Variants in IL22RA2 observed in about 807,000 individuals in gnomAD.
IL22RA2 encodes the protein interleukin 22 receptor subunit alpha 2, also known as interleukin-22 receptor subunit alpha-2.
A neutral mutation model predicts 30.7 loss-of-function variants in IL22RA2; 39 were observed. The ratio of observed to expected loss-of-function variants is 1.27; its 90% CI spans 0.98 to 1.66. The LOEUF (loss-of-function observed/expected upper bound fraction) is 1.66. Among genes scored for constraint, IL22RA2 ranks in the 40% most tolerant of loss-of-function variants. The pLI is 0.00. For missense variants in IL22RA2, 315 were observed against 312.7 expected (o/e 1.01, Z -0.05); for synonymous variants, 103 against 105.0 (o/e 0.98, Z 0.11).
At chr6:137,153,393 T>C (rs1778332342) in intron 5 of IL22RA2, among the ~76,000 whole-genome samples, 1 of 152,182 alleles carries the variant, frequency 6.6e-6, no homozygotes. Context: ...AATTGGTAAA[T>C]GCTTCACTAA....
At chr6:137,156,731 A>T (rs1778414470) in intron 4 of IL22RA2, 28 bp downstream of exon 4, 2 of 1,606,432 alleles carry the variant, frequency 1.2e-6, no homozygotes, top group Admixed American at 1.7e-5. Flanking sequence ...ACCTGAGGCT[A>T]GGTAATTGAT....
intron 1 of IL22RA2, among the ~76,000 whole-genome samples, chr6:137,166,986 G>A (rs879562458): frequency 3.9e-5 from 6 of 152,306 alleles, no homozygotes; most frequent in Admixed American, 1.3e-4. Flanking sequence ...GGAGGCTACC[G>A]GTGCATGCTA....
In IL22RA2 at chr6:137,144,315, T is replaced by G. The variant is rs1314320105; in HGVS notation, c.*1309A>C. 6.6e-6 allele frequency: 1 copy of G among 152,162 alleles called. No individual in the cohort carries two copies. The highest frequency in any genetic ancestry group is 6.6e-5 in the Admixed American group (1 of 15,262). 9.4% of individuals were successfully genotyped at this position (152,162 alleles called of 1,614,324 possible). A position where few individuals can be genotyped will look rare whatever the true frequency, so the allele number is the denominator to read the frequency against. ...CCTCTTATTCTCCTCCACCCCCCAA[T>G]ACATTTCTGAATATTTTTTAATCCA... On this transcript the variant is annotated 3_prime_UTR_variant, in exon 7 of 7. Coordinates refer to ENST00000296980, the MANE Select transcript of IL22RA2 (RefSeq NM_052962.3).
rs746169416 is a variant in IL22RA2 at position 137,158,431 on chromosome 6, G to A, written c.113C>T (p.Ser38Phe). ...TTGCAAAATGTTGTGAAAATTTCGG[G>A]ACTGAAATTGTACCCTCTGAGGCTT... is the stretch of plus-strand genomic sequence containing the variant. ...SLKPQRVQFQ[S>F]RNFHNILQWQ... Residue 38 changes from serine (S) to phenylalanine (F), a missense_variant, in exon 3 of 7, where the codon TCC becomes TTC. Transcript: ENST00000296980. 1.9e-5 allele frequency: 30 copies of A among 1,613,894 alleles called. No homozygotes were observed. The South Asian group carries it at 3.1e-4, about 17-fold the overall frequency.
Position 137,154,869 on chromosome 6 carries a change from T to G in IL22RA2, c.472+72A>C, listed in dbSNP as rs1186171075. 2.3e-6 allele frequency: 3 copies of G among 1,310,702 alleles called. No individual in the cohort carries two copies. In the Admixed American group the frequency reaches 5.1e-5, roughly 22 times the overall value. The allele number at this position is 1,310,702 out of a possible 1,614,324, so 81.2% of individuals were successfully genotyped here. The stretch of plus-strand genomic sequence containing the variant: ...GACCTCAGCAAAGCACAAGGCCTAG[T>G]CACTAGCCGTGCTCCGGGAGGGCTG... On this transcript the variant is annotated intron_variant, in intron 5 of 6. Transcript: ENST00000296980.
intron 6 of IL22RA2, 92 bp from the exon 7 acceptor site, chr6:137,145,865 A>G: frequency 7.6e-7 from 1 of 1,317,750 alleles, no homozygotes; most frequent in Non-Finnish European, 1.1e-6. Context: ...GTACATGGTC[A>G]CAGCAGTAGA....
intron 1 of IL22RA2, among the ~76,000 whole-genome samples, chr6:137,169,255 G>A (rs897205383): frequency 1.3e-5 from 2 of 152,228 alleles, no homozygotes; most frequent in African/African-American, 4.8e-5. Context: ...ACACAATGGA[G>A]AAGCTTTATA....
chr6:137,144,587 G>A lies in IL22RA2; in HGVS notation c.*1037C>T, dbSNP rs1392914590. On this transcript the variant is annotated 3_prime_UTR_variant, in exon 7 of 7. Transcript: ENST00000296980. ...TGAGCAGGAGGGGCCAGTTTGGAGG[G>A]CTTTGTCTAGCTCTATAGTCTCTGT... The A allele has an allele frequency of 1.3e-5, 2 of 152,282 alleles. No homozygotes were observed. Among genetic ancestry groups the A allele is most frequent in the African/African-American group, 2.4e-5 (1 of 41,458 alleles). The allele number at this position is 152,282 out of a possible 1,614,324, so 9.4% of individuals were successfully genotyped here. A position where few individuals can be genotyped will look rare whatever the true frequency, so the allele number is the denominator to read the frequency against.
At chr6:137,171,149 T>C (rs1778726677) in intron 1 of IL22RA2, among the ~76,000 whole-genome samples, 1 of 152,222 alleles carries the variant, frequency 6.6e-6, no homozygotes, top group African/African-American at 2.4e-5. Flanking sequence ...TCCAATAACA[T>C]TTCACAAATA....
At chr6:137,145,937 G>T (rs1015420381) in intron 6 of IL22RA2, among the ~76,000 whole-genome samples, 164 bp from the exon 7 acceptor site, 19 of 152,204 alleles carry the variant, frequency 1.2e-4, no homozygotes, top group African/African-American at 4.1e-4. Context: ...CCATAGCCTG[G>T]TAAAGGGACA....
At position 137,145,589 on chromosome 6, in the gene IL22RA2, G is replaced by C; in HGVS notation, c.*35C>G. ...GTCATCCTGTTCTCAGGGAGCTTTA[G>C]AATTTCCACATTGCTGAATGCCAAA... On this transcript the variant is annotated 3_prime_UTR_variant, in exon 7 of 7. Coordinates refer to ENST00000296980, the MANE Select transcript of IL22RA2 (RefSeq NM_052962.3). The C allele has an allele frequency of 1.3e-6, 2 of 1,579,170 alleles. No homozygotes were observed. The highest frequency in any genetic ancestry group is 1.7e-6 in the Non-Finnish European group (2 of 1,162,648).
At chr6:137,161,262 G>A (rs1256803249) in intron 2 of IL22RA2, among the ~76,000 whole-genome samples, 1 of 152,182 alleles carries the variant, frequency 6.6e-6, no homozygotes, top group Non-Finnish European at 1.5e-5. Context: ...ATGGTAAATG[G>A]CAGATCTGAA....
At chr6:137,153,988 T>C (rs1778346008) in intron 5 of IL22RA2, among the ~76,000 whole-genome samples, 1 of 152,244 alleles carries the variant, frequency 6.6e-6, no homozygotes, top group African/African-American at 2.4e-5. Context: ...AATATCTTTT[T>C]TTTTTCTTGT....
chr6:137,169,781 T>A (rs1778695348), intron 1 of IL22RA2, among the ~76,000 whole-genome samples: 1 of 152,230 alleles, frequency 6.6e-6, no homozygotes, highest in Admixed American at 6.5e-5. Flanking sequence ...GAGATGCCAT[T>A]TATCAGAACA....
intron 1 of IL22RA2, among the ~76,000 whole-genome samples, chr6:137,165,337 T>C (rs1778607063): frequency 6.6e-6 from 1 of 152,188 alleles, no homozygotes; most frequent in African/African-American, 2.4e-5. Flanking sequence ...GTATGGTTAA[T>C]GTGGCATTTG....
chr6:137,162,894 A>G (rs540844660), intron 1 of IL22RA2, among the ~76,000 whole-genome samples: 2 of 152,348 alleles, frequency 1.3e-5, no homozygotes, highest in East Asian at 3.9e-4. Context: ...AGAAGGAATT[A>G]AGGAAATCAA....
chr6:137,159,756 C>T (rs573132694), intron 2 of IL22RA2, among the ~76,000 whole-genome samples: 13 of 152,354 alleles, frequency 8.5e-5, no homozygotes, highest in African/African-American at 3.1e-4. Context: ...ACTGGCCCTT[C>T]CCTTTTCCTG....
intron 2 of IL22RA2, 78 bp downstream of exon 2, chr6:137,161,611 C>G (rs1391512582): frequency 8.4e-7 from 1 of 1,185,766 alleles, no homozygotes; most frequent in Non-Finnish European, 1.2e-6. Flanking sequence ...AAAAAAGCAC[C>G]AGTGCCATTT....
chr6:137,171,417 C>G (rs1778732050), intron 1 of IL22RA2, among the ~76,000 whole-genome samples: 1 of 152,162 alleles, frequency 6.6e-6, no homozygotes, highest in Non-Finnish European at 1.5e-5. Context: ...AACCATTAAC[C>G]AAGACTAGAA....
Sources: allele counts gnomAD v4.1 joint callset (sites outside exome capture counted in the v4.1 genomes callset), GRCh38; gene constraint gnomAD v4.1.1; transcripts MANE v1.5; gene names NCBI Gene and HGNC (gene_info 2026-07-23, HGNC 2026-07-21).